Variants in PIP5K1B observed in about 807,000 individuals in gnomAD.
PIP5K1B encodes the protein phosphatidylinositol 4-phosphate 5-kinase type-1 beta.
A neutral mutation model predicts 67.0 loss-of-function variants in PIP5K1B; 42 were observed. The observed-to-expected ratio is 0.63, with a 90% CI of 0.49 to 0.81. PIP5K1B has a LOEUF of 0.81. Among genes scored for constraint, PIP5K1B ranks in the 30% least tolerant of loss-of-function variants. The pLI, the probability that PIP5K1B is intolerant of heterozygous loss-of-function variation, is 0.00. For synonymous variants in PIP5K1B, 214 were observed against 231.4 expected (o/e 0.92, Z 0.68); for missense variants, 459 against 646.3 (o/e 0.71, Z 3.14).
chr9:68,770,530 G>C (rs1428081465), intron 2 of PIP5K1B, among the ~76,000 whole-genome samples: 1 of 152,186 alleles, frequency 6.6e-6, no homozygotes, highest in Non-Finnish European at 1.5e-5. Context: ...AAGTGGACTG[G>C]TACCAGTCTG....
chr9:68,852,187 A>G (rs28406181), intron 4 of PIP5K1B, among the ~76,000 whole-genome samples: 9,779 of 152,238 alleles, frequency 0.064, 655 homozygotes, highest in African/African-American at 0.17. Flanking sequence ...TATGTAACAA[A>G]CCTGCATGTT....
At chr9:68,763,139 CAG>C (rs1564115746) in intron 2 of PIP5K1B, among the ~76,000 whole-genome samples, 2 of 152,064 alleles carry the variant, frequency 1.3e-5, no homozygotes, top group South Asian at 2.1e-4. Context: ...TTTGCTCAAA[CAG>C]AGTCTTGAAG....
At chr9:69,000,958 C>A (rs530330989) in intron 15 of PIP5K1B, among the ~76,000 whole-genome samples, 1 of 150,610 alleles carries the variant, frequency 6.6e-6, no homozygotes. Context: ...AGTGCAGTGG[C>A]GCAATCCTGG....
chr9:68,776,969 TC>T (rs2132440413), intron 2 of PIP5K1B, among the ~76,000 whole-genome samples: 1 of 152,330 alleles, frequency 6.6e-6, no homozygotes, highest in African/African-American at 2.4e-5. Context: ...ACATTTTAAT[TC>T]TATCAAATTT....
In PIP5K1B at chr9:68,926,464, G is replaced by A. The variant is rs186167609; in HGVS notation, c.1201+3078G>A. Among the ~76,000 whole-genome samples, 595 of 152,132 alleles carry A rather than the reference G, an allele frequency of 3.9e-3. 4 individuals are homozygous for A. The highest frequency in any genetic ancestry group is 0.014 in the African/African-American group (562 of 41,500). On this transcript the variant is annotated intron_variant, in intron 12 of 15. Coordinates refer to ENST00000265382, the MANE Select transcript of PIP5K1B (RefSeq NM_003558.4). ...TCTATTTTTTAATAATAGCTTTATT[G>A]AGATATAATTAAGATGTGTATGCTT...
intron 12 of PIP5K1B, among the ~76,000 whole-genome samples, chr9:68,933,709 C>T (rs1827119834): frequency 6.6e-6 from 1 of 152,134 alleles, no homozygotes; most frequent in African/African-American, 2.4e-5. Flanking sequence ...TGTTGGATTC[C>T]AGACTCTAAA....
intron 1 of PIP5K1B, among the ~76,000 whole-genome samples, chr9:68,734,718 A>T (rs1354022293): frequency 1.3e-5 from 2 of 152,254 alleles, no homozygotes; most frequent in African/African-American, 4.8e-5. Flanking sequence ...AGGATTGATA[A>T]GGAAGGAAGA....
At chr9:68,991,378 C>T (rs961680608) in intron 15 of PIP5K1B, 121 bp downstream of exon 15, 17 of 623,860 alleles carry the variant, frequency 2.7e-5, no homozygotes, top group East Asian at 1.1e-4. Flanking sequence ...GAAATGATGG[C>T]GCCCTTTCAC....
intron 14 of PIP5K1B, among the ~76,000 whole-genome samples, chr9:68,970,134 C>T (rs1829280372): frequency 6.6e-6 from 1 of 152,354 alleles, no homozygotes; most frequent in South Asian, 2.1e-4. Flanking sequence ...AGTTCCTCAA[C>T]TCTGAATCCA....
At chr9:68,821,519 G>A (rs891410827) in intron 3 of PIP5K1B, among the ~76,000 whole-genome samples, 3 of 144,202 alleles carry the variant, frequency 2.1e-5, no homozygotes, top group African/African-American at 5.9e-5. Flanking sequence ...ATTAAAACCA[G>A]GAGATGATTT....
intron 2 of PIP5K1B, among the ~76,000 whole-genome samples, chr9:68,776,588 C>A (rs759671395): frequency 6.6e-6 from 1 of 152,034 alleles, no homozygotes; most frequent in Non-Finnish European, 1.5e-5. Flanking sequence ...GGATTACAGG[C>A]GTGAGCCACC....
chr9:68,970,302 G>T (rs1186206172), intron 14 of PIP5K1B, among the ~76,000 whole-genome samples: 2 of 152,194 alleles, frequency 1.3e-5, no homozygotes, highest in African/African-American at 4.8e-5. Flanking sequence ...TATAGCTAGG[G>T]TTAATTACAT....
At chr9:68,922,535 A>G (rs1044257002) in intron 11 of PIP5K1B, among the ~76,000 whole-genome samples, 5 of 152,164 alleles carry the variant, frequency 3.3e-5, no homozygotes, top group African/African-American at 9.7e-5. Context: ...CAAATTTACT[A>G]TGTCTACAAG....
At chr9:68,870,640 C>T (rs1823584917) in intron 5 of PIP5K1B, among the ~76,000 whole-genome samples, 1 of 152,162 alleles carries the variant, frequency 6.6e-6, no homozygotes, top group Non-Finnish European at 1.5e-5. Context: ...AGACTGGGTA[C>T]CATCAGTAGT....
At chr9:68,837,741 T>C (rs1288955826) in intron 4 of PIP5K1B, among the ~76,000 whole-genome samples, 1 of 151,844 alleles carries the variant, frequency 6.6e-6, no homozygotes, top group Non-Finnish European at 1.5e-5. Flanking sequence ...TAATTTGTAA[T>C]GCAAGACTTC....
At chr9:68,848,216 C>T (rs78382168) in intron 4 of PIP5K1B, among the ~76,000 whole-genome samples, 3,706 of 152,292 alleles carry the variant, frequency 0.024, 77 homozygotes, top group East Asian at 0.11. Context: ...TCCATTCATT[C>T]CCCATCAAAA....
intron 2 of PIP5K1B, among the ~76,000 whole-genome samples, chr9:68,776,208 T>C (rs912788169): frequency 1.3e-5 from 2 of 152,212 alleles, no homozygotes; most frequent in Non-Finnish European, 2.9e-5. Flanking sequence ...ATTATATACA[T>C]ACACACATTT....
Position 68,775,489 on chromosome 9 carries a change from C to T in PIP5K1B, c.-86+32832C>T, listed in dbSNP as rs150959410. Among the ~76,000 whole-genome samples, 256 of 152,282 alleles carry T rather than the reference C, an allele frequency of 1.7e-3. 1 individual carries two copies. The highest frequency in any genetic ancestry group is 5.5e-3 in the African/African-American group (230 of 41,548). ...ACTGCTACAGCAGTCAATCTGGTAA[C>T]TGAGATGGCTACTAAGTGACTAATG... On this transcript the variant is annotated intron_variant, in intron 2 of 15. Transcript: ENST00000265382.
chr9:68,860,485 G>A (rs1183326540), intron 4 of PIP5K1B, among the ~76,000 whole-genome samples: 2 of 152,184 alleles, frequency 1.3e-5, no homozygotes, highest in Non-Finnish European at 2.9e-5. Context: ...CCGTGGGTGG[G>A]TATGATTGGA....
Sources: allele counts gnomAD v4.1 joint callset (sites outside exome capture counted in the v4.1 genomes callset), GRCh38; gene constraint gnomAD v4.1.1; transcripts MANE v1.5; gene names NCBI Gene and HGNC (gene_info 2026-07-23, HGNC 2026-07-21).